Variants in COL10A1 observed in about 807,000 individuals in gnomAD.
COL10A1 encodes collagen alpha-1(X) chain.
In COL10A1, 10 loss-of-function variants were observed where a neutral mutation model predicts 18.2. The observed-to-expected ratio is 0.55, with a 90% CI of 0.34 to 0.93. The LOEUF (loss-of-function observed/expected upper bound fraction) is 0.93. COL10A1 is among the 40% of genes least tolerant of loss of function. The pLI is 0.02. For synonymous variants in COL10A1, 330 were observed against 316.6 expected, an observed-to-expected ratio of 1.04 and a Z score of -0.45; for missense variants, 897 against 853.5, an observed-to-expected ratio of 1.05 and a Z score of -0.64.
chr6:116,125,328 A>G lies in COL10A1; in HGVS notation c.154+11T>C, dbSNP rs199644615. The G allele has an allele frequency of 8.1e-6, 13 of 1,613,048 alleles. No individual in the cohort carries two copies. The Admixed American group carries it at 1.8e-4, about 23-fold the overall frequency. On this transcript the variant is annotated intron_variant, in intron 2 of 2. Transcript: ENST00000651968. ...ACTTGTTAATAGAACAAAATATACA[A>G]TTCAATTTACCTTTACTCTTTATGG...
At chr6:116,204,827 G>C in the COL10A1 span, among the ~76,000 whole-genome samples, 37 of 151,978 alleles carry the variant, frequency 2.4e-4, no homozygotes, top group Non-Finnish European at 4.0e-4. Flanking sequence ...ACAATGAATA[G>C]TGTGTAGTAG....
chr6:116,168,656 G>A, the COL10A1 span, among the ~76,000 whole-genome samples: 1 of 151,254 alleles, frequency 6.6e-6, no homozygotes, highest in African/African-American at 2.4e-5. Context: ...ATATTATATT[G>A]TCTCCTTGAG....
the COL10A1 span, among the ~76,000 whole-genome samples, chr6:116,193,234 C>A: frequency 1.3e-5 from 2 of 152,002 alleles, no homozygotes; most frequent in Admixed American, 6.6e-5. Flanking sequence ...TTTTTAAAAT[C>A]TTGCCCCATA....
At chr6:116,164,911 G>A in the COL10A1 span, among the ~76,000 whole-genome samples, 5 of 151,766 alleles carry the variant, frequency 3.3e-5, no homozygotes, top group African/African-American at 4.8e-5. Flanking sequence ...GTGAAACCCC[G>A]TCTCTACTAA....
chr6:116,206,952 T>C, the COL10A1 span, among the ~76,000 whole-genome samples: 780 of 152,120 alleles, frequency 5.1e-3, 7 homozygotes, highest in African/African-American at 0.017. Context: ...TTCTTGTTTA[T>C]TGAGTAATTC....
Position 116,135,834 on chromosome 6 carries a change from GATATATATATATATATATATATAT to G in COL10A1, c.-15-10351_-15-10328del, listed in dbSNP as rs199827970. Among the ~76,000 whole-genome samples the G allele has an allele frequency of 4.2e-4, 43 of 102,358 alleles. 2 individuals are homozygous for G. Among genetic ancestry groups the G allele is most frequent in the Admixed American group, 5.8e-4 (6 of 10,426 alleles). The allele number at this position is 102,358 out of a possible 152,430, so 67.2% of individuals were successfully genotyped here. A position where few individuals can be genotyped will look rare whatever the true frequency, so the allele number is the denominator to read the frequency against. On this transcript the variant is annotated intron_variant, in intron 1 of 1. Transcript: ENST00000418500. ...ATTTATGGTATACAATATATTTTCA[GATATATATATATATATATATATAT>G]ATATATATATATATACACACATACA...
chr6:116,181,094 C>T, the COL10A1 span, among the ~76,000 whole-genome samples: 10 of 151,674 alleles, frequency 6.6e-5, no homozygotes, highest in African/African-American at 9.7e-5. Flanking sequence ...CAGAGGTACA[C>T]GAGATACATA....
intron 1 of COL10A1, among the ~76,000 whole-genome samples, chr6:116,133,141 G>C (rs528718832): frequency 6.6e-6 from 1 of 152,114 alleles, no homozygotes; most frequent in African/African-American, 2.4e-5. Context: ...TCATAGTTTC[G>C]TGCGCCAAGT....
chr6:116,191,288 A>G, the COL10A1 span, among the ~76,000 whole-genome samples: 12 of 152,070 alleles, frequency 7.9e-5, no homozygotes, highest in African/African-American at 2.9e-4. Flanking sequence ...TCAAGATGCA[A>G]AACAAGGAAG....
At chr6:116,187,656 A>C in the COL10A1 span, among the ~76,000 whole-genome samples, 1 of 152,112 alleles carries the variant, frequency 6.6e-6, no homozygotes, top group Non-Finnish European at 1.5e-5. Flanking sequence ...TTGGAAATCT[A>C]TGTAGAAATT....
At chr6:116,123,894 C>T (rs576524780) in intron 2 of COL10A1, among the ~76,000 whole-genome samples, 1 of 152,218 alleles carries the variant, frequency 6.6e-6, no homozygotes, top group East Asian at 1.9e-4. Context: ...CTTTTTAATT[C>T]AAGACTTTGT....
At chr6:116,163,564 C>T (rs1314055451), upstream of COL10A1, among the ~76,000 whole-genome samples, 1 of 151,894 alleles carries the variant, frequency 6.6e-6, no homozygotes, top group Non-Finnish European at 1.5e-5. Context: ...TCTTCTTAAA[C>T]AACCAACTTT....
chr6:116,162,355 A>T (rs188877873), upstream of COL10A1, among the ~76,000 whole-genome samples: 11 of 152,304 alleles, frequency 7.2e-5, no homozygotes, highest in Non-Finnish European at 1.3e-4. Context: ...GTCTTGGTCC[A>T]GTTCTTAAAG....
At chr6:116,214,076 A>G in the COL10A1 span, among the ~76,000 whole-genome samples, 1 of 152,128 alleles carries the variant, frequency 6.6e-6, no homozygotes, top group Non-Finnish European at 1.5e-5. Context: ...ATTAAGAATT[A>G]AAATTTTTAA....
At chr6:116,136,927 T>A (rs1779622157) in intron 1 of COL10A1, 1 of 152,204 alleles carries the variant, frequency 6.6e-6, no homozygotes. Context: ...TGATGGATAG[T>A]ATATAAACTA....
Position 116,121,610 on chromosome 6 carries a change from G to A in COL10A1, c.506C>T (p.Pro169Leu). 2 of 1,613,702 alleles carry A rather than the reference G, an allele frequency of 1.2e-6. No individual in the cohort carries two copies. Among genetic ancestry groups the A allele is most frequent in the Non-Finnish European group, 1.7e-6 (2 of 1,179,828 alleles). Residue 169 changes from proline to leucine, a missense_variant, in exon 3 of 3, where the codon CCC (proline) becomes CTC (leucine). Transcript: ENST00000651968. The stretch of plus-strand genomic sequence containing the variant: ...ACCCTTTTCTCCAGGAAAGCCCCTG[G>A]GTCCTGGGGCTCCTGTGGGTCCCTG... ...GQQGPTGAPG[P>L]RGFPGEKGAP...
chr6:116,207,591 C>G, the COL10A1 span, among the ~76,000 whole-genome samples: 9 of 151,154 alleles, frequency 6.0e-5, no homozygotes, highest in Non-Finnish European at 8.9e-5. Context: ...CTAAAAAATA[C>G]CCAAAATATA....
the COL10A1 span, among the ~76,000 whole-genome samples, chr6:116,169,441 C>T: frequency 1.3e-5 from 2 of 152,126 alleles, no homozygotes; most frequent in Non-Finnish European, 2.9e-5. Flanking sequence ...TCTGTAAGTT[C>T]AGTAAGCATA....
the COL10A1 span, among the ~76,000 whole-genome samples, chr6:116,204,956 G>C: frequency 6.6e-6 from 1 of 151,920 alleles, no homozygotes; most frequent in South Asian, 2.1e-4. Context: ...GAAAATACAT[G>C]TATATGTGTG....
Sources: gnomAD v4.1 joint callset for allele counts (sites outside exome capture counted in the v4.1 genomes callset) on GRCh38, gnomAD v4.1.1 for gene constraint, MANE v1.5 for transcripts, NCBI Gene and HGNC (gene_info 2026-07-23, HGNC 2026-07-21) for gene names.